MLLT1: variants seen among roughly 807,000 people sequenced by gnomAD.
MLLT1 encodes the protein MLLT1 super elongation complex subunit.
A neutral mutation model predicts 55.1 loss-of-function variants in MLLT1; 11 were observed. The ratio of observed to expected loss-of-function variants is 0.20; its 90% CI spans 0.13 to 0.33. The LOEUF is 0.33. Among genes scored for constraint, MLLT1 ranks in the 10% least tolerant of loss-of-function variants. The probability of loss-of-function intolerance (pLI) is 1.00; values close to 1 mark genes in which losing one functional copy is unlikely to be tolerated. For missense variants in MLLT1, 536 were observed against 760.6 expected, an observed-to-expected ratio of 0.70 and a Z score of 3.47; for synonymous variants, 323 against 320.1, an observed-to-expected ratio of 1.01 and a Z score of -0.10.
At chr19:6,272,317 G>A (rs1239548811) in intron 1 of MLLT1, among the ~76,000 whole-genome samples, 1 of 152,162 alleles carries the variant, frequency 6.6e-6, no homozygotes, top group Non-Finnish European at 1.5e-5. Context: ...CAGAGTCCCA[G>A]AACTGAGGAA....
chr19:6,227,148 G>A lies in MLLT1; in HGVS notation c.421-46C>T. On this transcript the variant is annotated intron_variant, in intron 4 of 11. Coordinates refer to ENST00000252674, the MANE Select transcript of MLLT1 (RefSeq NM_005934.4). This position sits in a 1 kb window ranked among gnomAD's most constrained non-coding sequence, Gnocchi z 5.1. ...GTCATTATCGATGGGCAGGGGGCAGGGGGCCCACACGGGCCGGGCTGAAGG... is the reference window on the plus strand; with the variant it reads ...GTCATTATCGATGGGCAGGGGGCAGAGGGCCCACACGGGCCGGGCTGAAGG... 1 of 1,567,276 alleles carries A rather than the reference G, an allele frequency of 6.4e-7. No individual in the cohort carries two copies. Among genetic ancestry groups the A allele is most frequent in the South Asian group, 1.2e-5 (1 of 84,834 alleles).
Position 6,226,828 on chromosome 19 carries a change from G to A in MLLT1, c.546+149C>T, listed in dbSNP as rs968424439. ...TCCTAGGGAAGCGGCAGTGCGCAGCGAGGGGTGTGCAGAGAGCTCAAAGAG... is the reference window on the plus strand; with the variant it reads ...TCCTAGGGAAGCGGCAGTGCGCAGCAAGGGGTGTGCAGAGAGCTCAAAGAG... On this transcript the variant is annotated intron_variant, in intron 5 of 11. Coordinates refer to ENST00000252674, the MANE Select transcript of MLLT1 (RefSeq NM_005934.4). The surrounding 1 kb of genome is among the most constrained non-coding windows in gnomAD (Gnocchi z 6.3). The A allele has an allele frequency of 2.8e-5, 14 of 493,658 alleles. No homozygotes were observed. The South Asian group carries it at 2.9e-4, about 10-fold the overall frequency. The allele number at this position is 493,658 out of a possible 1,614,324, so 30.6% of individuals were successfully genotyped here.
intron 2 of MLLT1, among the ~76,000 whole-genome samples, chr19:6,266,450 A>AT (rs950726604): frequency 4.0e-5 from 6 of 151,808 alleles, no homozygotes; most frequent in African/African-American, 1.2e-4. Flanking sequence ...CGTCTTATAA[A>AT]TTTTTTTTGT....
chr19:6,248,377 G>A (rs892883297), intron 3 of MLLT1, among the ~76,000 whole-genome samples: 1 of 152,224 alleles, frequency 6.6e-6, no homozygotes, highest in African/African-American at 2.4e-5. Context: ...TCTCCCTTGA[G>A]TGTGGGCTGG....
chr19:6,241,847 C>T (rs892035166), intron 3 of MLLT1, among the ~76,000 whole-genome samples: 5 of 152,230 alleles, frequency 3.3e-5, no homozygotes, highest in Admixed American at 2.6e-4. Flanking sequence ...CCTGGGTCCC[C>T]GCACACAATG....
chr19:6,238,701 G>A (rs1425639002), intron 3 of MLLT1, among the ~76,000 whole-genome samples: 2 of 152,216 alleles, frequency 1.3e-5, no homozygotes, highest in African/African-American at 2.4e-5. Context: ...GCAAGTCCCC[G>A]CCATGGAGCC....
chr19:6,237,263 C>T (rs573440035), intron 3 of MLLT1, among the ~76,000 whole-genome samples: 1 of 152,290 alleles, frequency 6.6e-6, no homozygotes, highest in African/African-American at 2.4e-5. Flanking sequence ...ACTCCCTCTG[C>T]CCCACACCCC....
chr19:6,237,890 G>T (rs1013650477), intron 3 of MLLT1, among the ~76,000 whole-genome samples: 1 of 152,120 alleles, frequency 6.6e-6, no homozygotes, highest in Non-Finnish European at 1.5e-5. Context: ...TCGCTTTGAG[G>T]TCGGAAGTTT....
In MLLT1 at chr19:6,240,742, G is replaced by C. The variant is rs535447668; in HGVS notation, c.277-10029C>G. On this transcript the variant is annotated intron_variant, in intron 3 of 11. Coordinates refer to ENST00000252674, the MANE Select transcript of MLLT1 (RefSeq NM_005934.4). The surrounding 1 kb of genome is among the most constrained non-coding windows in gnomAD (Gnocchi z 4.7). ...TCCCGAGACAGCAGGAGAATTCAGG[G>C]GCAGAGGGAAGGAAAAGGGAGGAGC... 6.6e-6 allele frequency among the ~76,000 whole-genome samples: 1 copy of C among 152,066 alleles called. No homozygotes were observed. Among genetic ancestry groups the C allele is most frequent in the South Asian group, 2.1e-4 (1 of 4,792 alleles).
At chr19:6,228,190 T>C (rs894434274) in intron 4 of MLLT1, among the ~76,000 whole-genome samples, 19 of 152,182 alleles carry the variant, frequency 1.2e-4, no homozygotes, top group Non-Finnish European at 8.8e-5. Context: ...CTCCACACTC[T>C]GGAGCACGCA....
At position 6,211,065 on chromosome 19, in the gene MLLT1, C is replaced by T. The variant is rs1168159178; in HGVS notation, c.*1977G>A. The stretch of plus-strand genomic sequence containing the variant: ...GTCGCTGTGTGGATTTTGGGGGACT[C>T]CTGCGAAGGAGAAAGGCCAGCACCC... On this transcript the variant is annotated 3_prime_UTR_variant, in exon 12 of 12. Transcript: ENST00000252674. This position sits in a 1 kb window ranked among gnomAD's most constrained non-coding sequence, Gnocchi z 4.6. 2 of 231,978 alleles carry T rather than the reference C, an allele frequency of 8.6e-6. No individual in the cohort carries two copies. Among genetic ancestry groups the T allele is most frequent in the African/African-American group, 2.2e-5 (1 of 45,174 alleles). 14.4% of individuals were successfully genotyped at this position (231,978 alleles called of 1,614,324 possible). A position where few individuals can be genotyped will look rare whatever the true frequency, so the allele number is the denominator to read the frequency against.
chr19:6,263,992 C>T (rs2144945189), intron 2 of MLLT1, among the ~76,000 whole-genome samples: 1 of 152,162 alleles, frequency 6.6e-6, no homozygotes, highest in Non-Finnish European at 1.5e-5. Context: ...CTGAGCTTCT[C>T]CCTGGGGTGA....
chr19:6,279,420 G>C (rs1226654894), intron 1 of MLLT1, among the ~76,000 whole-genome samples: 1 of 152,008 alleles, frequency 6.6e-6, no homozygotes, highest in Non-Finnish European at 1.5e-5. Context: ...GAGCTGTCTT[G>C]AGGTCCCTAA....
chr19:6,236,457 A>T (rs2091061931), intron 3 of MLLT1, among the ~76,000 whole-genome samples: 1 of 152,128 alleles, frequency 6.6e-6, no homozygotes, highest in Admixed American at 6.5e-5. Flanking sequence ...TTGCCCACAC[A>T]AACCAAACAG....
intron 2 of MLLT1, among the ~76,000 whole-genome samples, chr19:6,265,756 G>A (rs1207629681): frequency 1.3e-5 from 2 of 151,948 alleles, no homozygotes; most frequent in African/African-American, 2.4e-5. Flanking sequence ...TGCAGCAGGC[G>A]GATCACGAGG....
rs1253411805 is a variant in MLLT1, at chr19:6,211,224, G to A, written c.*1818C>T. On this transcript the variant is annotated 3_prime_UTR_variant, in exon 12 of 12. Transcript: ENST00000252674. This position sits in a 1 kb window ranked among gnomAD's most constrained non-coding sequence, Gnocchi z 4.6. ...TTAGTTTCCAGAGAAGAAAGGAAGC[G>A]CCCCATGGTGGAGTATTGTTGGCCG... 7 of 232,580 alleles carry A rather than the reference G, an allele frequency of 3.0e-5. No individual in the cohort carries two copies. The East Asian group carries it at 3.0e-4, about 10-fold the overall frequency. 14.4% of individuals were successfully genotyped at this position (232,580 alleles called of 1,614,324 possible). A position where few individuals can be genotyped will look rare whatever the true frequency, so the allele number is the denominator to read the frequency against.
rs10221547 is a variant in MLLT1 at position 6,239,303 on chromosome 19, G to T, written c.277-8590C>A. On this transcript the variant is annotated intron_variant, in intron 3 of 11. Transcript: ENST00000252674. ...CCCTGAAATCCCACGTCCAGGATGC[G>T]ATCCGACCGAAATACCCACAGAGTA... Among the ~76,000 whole-genome samples the T allele has an allele frequency of 0.012, 1,819 of 152,328 alleles. 74 individuals are homozygous for T. In the East Asian group the frequency reaches 0.13, roughly 11 times the overall value.
chr19:6,261,594 T>G (rs1225625005), intron 3 of MLLT1, among the ~76,000 whole-genome samples: 2 of 143,726 alleles, frequency 1.4e-5, no homozygotes, highest in African/African-American at 5.3e-5. Flanking sequence ...TGGTGACACC[T>G]GGGAGGAGGA....
chr19:6,228,800 A>G (rs1037376526), intron 4 of MLLT1, among the ~76,000 whole-genome samples: 3 of 152,116 alleles, frequency 2.0e-5, no homozygotes, highest in African/African-American at 7.2e-5. Flanking sequence ...GGAGGCCTGG[A>G]AAGTTCCTGC....
Sources: allele counts gnomAD v4.1 joint callset (sites outside exome capture counted in the v4.1 genomes callset), GRCh38; gene constraint gnomAD v4.1.1; non-coding constraint Gnocchi (gnomAD v3.1); transcripts MANE v1.5; gene names NCBI Gene and HGNC (gene_info 2026-07-23, HGNC 2026-07-21).